ZFHX3: variants seen among roughly 807,000 people sequenced by gnomAD.
The protein encoded by ZFHX3 is zinc finger homeobox 3.
ZFHX3 carries 42 observed loss-of-function variants against 279.1 expected under a neutral mutation model. The observed-to-expected ratio is 0.15, with a 90% CI of 0.12 to 0.19. ZFHX3 has a LOEUF of 0.19. ZFHX3 is among the 10% of genes least tolerant of loss of function. The pLI, the probability that ZFHX3 is intolerant of heterozygous loss-of-function variation, is 1.00. For missense variants in ZFHX3, 4,981 were observed against 4,754.0 expected (o/e 1.05, Z -1.40); for synonymous variants, 2,293 against 1,957.8 (o/e 1.17, Z -4.52).
At chr16:73,045,299 A>G (rs1965253202) in intron 1 of ZFHX3, among the ~76,000 whole-genome samples, 3 of 152,200 alleles carry the variant, frequency 2.0e-5, no homozygotes, top group Admixed American at 2.0e-4. Flanking sequence ...TGAACTAACC[A>G]CTTTTGGGTC....
chr16:73,129,293 C>A (rs777697151), intron 7 of ZFHX3, among the ~76,000 whole-genome samples: 1 of 151,750 alleles, frequency 6.6e-6, no homozygotes, highest in Non-Finnish European at 1.5e-5. Context: ...GAGGCTGAGG[C>A]ATGAGAATCG....
chr16:73,891,738 TTCTCTCTCTCTCTCTCTC>T (rs3082344), exon 1 of ZFHX3: 3 of 141,862 alleles, frequency 2.1e-5, no homozygotes, highest in Middle Eastern at 3.4e-3. Flanking sequence ...GGGTTTTTAG[TTCTCTCTCTCTCTCTCTC>T]TCTCTCTCTC....
chr16:73,692,888 A>G (rs2053162747), intron 1 of ZFHX3, among the ~76,000 whole-genome samples: 1 of 152,224 alleles, frequency 6.6e-6, no homozygotes, highest in African/African-American at 2.4e-5. Context: ...AATGAAACAA[A>G]TGTTTTAAAT....
chr16:73,063,637 G>T (rs936574151), upstream of ZFHX3, among the ~76,000 whole-genome samples: 3 of 151,990 alleles, frequency 2.0e-5, no homozygotes, highest in Non-Finnish European at 4.4e-5. Flanking sequence ...AAAACCAGGG[G>T]TCCCCCTGGC....
At position 73,798,740 on chromosome 16, in the gene ZFHX3, TG is replaced by T. The variant is rs576806504; in HGVS notation, c.-1608+92910del. Among the ~76,000 whole-genome samples, 364 of 152,208 alleles carry T rather than the reference TG, an allele frequency of 2.4e-3. 1 individual carries two copies. The highest frequency in any genetic ancestry group is 3.9e-3 in the Non-Finnish European group (266 of 68,002). ...TCAACCGATTCAGCAGAAGCACAAG[TG>T]TGGGGCCAGGGGTAACCACAGGGTG... is the stretch of plus-strand genomic sequence containing the variant. On this transcript the variant is annotated intron_variant, in intron 1 of 17. Coordinates refer to the ZFHX3 transcript ENST00000641206.
intron 2 of ZFHX3, among the ~76,000 whole-genome samples, chr16:73,661,712 A>G (rs543977126): frequency 2.3e-3 from 331 of 145,790 alleles, no homozygotes; most frequent in Non-Finnish European, 3.7e-3. Flanking sequence ...ACAAAGCAAG[A>G]CTCCATCTCA....
chr16:72,869,234 C>T (rs910575698), intron 4 of ZFHX3, among the ~76,000 whole-genome samples: 1 of 152,190 alleles, frequency 6.6e-6, no homozygotes, highest in Non-Finnish European at 1.5e-5. Flanking sequence ...AAACAGCAAG[C>T]CTGGCCCTGG....
At chr16:73,130,980 G>T (rs1400833911) in exon 7 of ZFHX3, 1 of 1,305,226 alleles carries the variant, frequency 7.7e-7, no homozygotes, top group African/African-American at 1.5e-5. Context: ...CTATGCAACT[G>T]CCGCTTTGTG....
At chr16:73,552,030 T>A (rs1036654456) in intron 2 of ZFHX3, among the ~76,000 whole-genome samples, 6 of 151,606 alleles carry the variant, frequency 4.0e-5, no homozygotes, top group South Asian at 4.2e-4. Context: ...TGTGTGTGTG[T>A]GAGAGAGAGA....
At chr16:73,010,479 T>G (rs1207471716) in intron 1 of ZFHX3, among the ~76,000 whole-genome samples, 1 of 152,198 alleles carries the variant, frequency 6.6e-6, no homozygotes, top group African/African-American at 2.4e-5. Context: ...CAGCAGTAAT[T>G]AATAGTATAA....
intron 1 of ZFHX3, among the ~76,000 whole-genome samples, chr16:73,863,471 T>A (rs1306033409): frequency 1.3e-5 from 2 of 152,022 alleles, no homozygotes; most frequent in African/African-American, 4.8e-5. Flanking sequence ...CACCCTTGTG[T>A]CCAAAGGGAG....
intron 3 of ZFHX3, among the ~76,000 whole-genome samples, chr16:73,449,274 T>C (rs958220344): frequency 2.0e-5 from 3 of 152,244 alleles, no homozygotes; most frequent in African/African-American, 7.2e-5. Flanking sequence ...TTATTTTCTA[T>C]GCCTTCACAG....
intron 3 of ZFHX3, among the ~76,000 whole-genome samples, chr16:73,341,853 G>A (rs746267241): frequency 1.3e-5 from 2 of 152,184 alleles, no homozygotes; most frequent in African/African-American, 2.4e-5. Context: ...GCTACATATT[G>A]TATAAGTCCA....
intron 1 of ZFHX3, among the ~76,000 whole-genome samples, chr16:73,715,483 G>C (rs1235505041): frequency 1.3e-5 from 2 of 151,118 alleles, no homozygotes; most frequent in Non-Finnish European, 2.9e-5. Context: ...GCTTATGGAG[G>C]TGTCACCATC....
At chr16:73,700,278 T>A (rs144510510) in intron 1 of ZFHX3, among the ~76,000 whole-genome samples, 132 of 152,168 alleles carry the variant, frequency 8.7e-4, no homozygotes, top group African/African-American at 2.5e-3. Flanking sequence ...TTACTGAGAA[T>A]CCTGTTCTCA....
intron 3 of ZFHX3, among the ~76,000 whole-genome samples, chr16:73,438,990 T>C (rs2018041513): frequency 6.6e-6 from 1 of 152,188 alleles, no homozygotes; most frequent in Non-Finnish European, 1.5e-5. Flanking sequence ...AGTGATAGAA[T>C]GCCAAAAAGG....
At position 73,032,142 on chromosome 16, in the gene ZFHX3, A is replaced by T. The variant is rs533524954; in HGVS notation, c.-50+15610T>A. ...GGAGATCCTGTCTCTACAAAAAATT[A>T]AAAAATTAGCCAGACGTGGTGATGC... On this transcript the variant is annotated intron_variant, in intron 1 of 9. Transcript: ENST00000268489. Among the ~76,000 whole-genome samples, 3 of 152,240 alleles carry T rather than the reference A, an allele frequency of 2.0e-5. No homozygotes were observed. The South Asian group carries it at 6.2e-4, about 32-fold the overall frequency.
intron 2 of ZFHX3, among the ~76,000 whole-genome samples, chr16:73,479,859 A>C (rs2018833097): frequency 6.6e-6 from 1 of 152,198 alleles, no homozygotes; most frequent in Non-Finnish European, 1.5e-5. Context: ...TATCCTATTA[A>C]ACCTCCTTGG....
At chr16:73,820,148 G>A (rs1386698603) in intron 1 of ZFHX3, among the ~76,000 whole-genome samples, 1 of 152,068 alleles carries the variant, frequency 6.6e-6, no homozygotes, top group Non-Finnish European at 1.5e-5. Context: ...GGAGTGCAGT[G>A]GCACAATCTC....
Sources: allele counts gnomAD v4.1 joint callset (sites outside exome capture counted in the v4.1 genomes callset), GRCh38; gene constraint gnomAD v4.1.1; transcripts MANE v1.5; gene names NCBI Gene and HGNC (gene_info 2026-07-23, HGNC 2026-07-21).